Variants in FRMPD1 observed in about 807,000 individuals in gnomAD.
FRMPD1 encodes FERM and PDZ domain-containing protein 1.
FRMPD1 carries 76 observed loss-of-function variants against 117.8 expected under a neutral mutation model. That is an observed-to-expected ratio of 0.65 (90% CI 0.54 to 0.78). FRMPD1 has a LOEUF of 0.78. Among genes scored for constraint, FRMPD1 ranks in the 30% least tolerant of loss-of-function variants. The probability of loss-of-function intolerance (pLI) is 0.00; values close to 1 mark genes in which losing one functional copy is unlikely to be tolerated. For synonymous variants in FRMPD1, 783 were observed against 770.4 expected, an observed-to-expected ratio of 1.02 and a Z score of -0.27; for missense variants, 1,786 against 1,964.5, an observed-to-expected ratio of 0.91 and a Z score of 1.72.
the FRMPD1 span, chr9:37,637,099 C>T: frequency 2.0e-5 from 32 of 1,584,284 alleles, no homozygotes; most frequent in South Asian, 1.1e-4. Flanking sequence ...GTTCCTGGCC[C>T]GCCGTGTCCC....
At chr9:37,722,624 C>A (rs1326955435) in intron 6 of FRMPD1, among the ~76,000 whole-genome samples, 1 of 152,058 alleles carries the variant, frequency 6.6e-6, no homozygotes, top group Admixed American at 6.6e-5. Flanking sequence ...AGGCTTTATA[C>A]CCAAACTCTT....
chr9:37,614,554 C>G, the FRMPD1 span, among the ~76,000 whole-genome samples: 1 of 152,190 alleles, frequency 6.6e-6, no homozygotes, highest in African/African-American at 2.4e-5. Flanking sequence ...CCCAAAAAAC[C>G]TTCACAGTGG....
chr9:37,740,804 C>A lies in FRMPD1; in HGVS notation c.2276C>A (p.Pro759Gln), dbSNP rs546200227. Residue 759 changes from proline (P) to glutamine (Q), a missense_variant, in exon 15 of 16, where the codon CCA becomes CAA. By Grantham distance (76) the Pro-to-Gln change is moderately conservative (BLOSUM62 -1). Coordinates refer to ENST00000377765, the MANE Select transcript of FRMPD1 (RefSeq NM_014907.3). This position sits in a 1 kb window ranked among gnomAD's most constrained non-coding sequence, Gnocchi z 4.2. ...SMLEPLALHP[P>Q]LAFEDGSSDE... ...CTGGAACCCCTGGCCCTGCACCCACCACTGGCCTTTGAGGATGGCAGCTCA... is the reference window on the plus strand; with the variant it reads ...CTGGAACCCCTGGCCCTGCACCCACAACTGGCCTTTGAGGATGGCAGCTCA... The A allele has an allele frequency of 5.6e-6, 9 of 1,614,034 alleles. No individual in the cohort carries two copies. The highest frequency in any genetic ancestry group is 1.3e-5 in the African/African-American group (1 of 74,940).
At chr9:37,661,132 C>T (rs1191941793) in intron 1 of FRMPD1, among the ~76,000 whole-genome samples, 1 of 152,096 alleles carries the variant, frequency 6.6e-6, no homozygotes, top group African/African-American at 2.4e-5. Flanking sequence ...AATGTCCAGC[C>T]CCTGGAACTG....
intron 1 of FRMPD1, chr9:37,661,940 A>T (rs938693941): frequency 6.5e-6 from 1 of 154,620 alleles, no homozygotes; most frequent in Non-Finnish European, 1.5e-5. Flanking sequence ...AGGGATGCAC[A>T]TGGAGTGGTG....
chr9:37,734,528 A>G (rs575878282), intron 12 of FRMPD1, among the ~76,000 whole-genome samples: 82 of 152,144 alleles, frequency 5.4e-4, no homozygotes, highest in African/African-American at 1.9e-3. Context: ...GGTTTCAGAG[A>G]GCTTTCCTCC....
intron 10 of FRMPD1, 24 bp downstream of exon 10, chr9:37,732,464 G>A: frequency 6.3e-7 from 1 of 1,577,848 alleles, no homozygotes; most frequent in South Asian, 1.1e-5. Flanking sequence ...GATGGCAGCT[G>A]CATTGCATTT....
At chr9:37,722,441 C>T (rs1823438924) in intron 6 of FRMPD1, among the ~76,000 whole-genome samples, 1 of 152,104 alleles carries the variant, frequency 6.6e-6, no homozygotes, top group Admixed American at 6.5e-5. Context: ...GAGTTTTGCT[C>T]CTGTCGCCCT....
intron 1 of FRMPD1, among the ~76,000 whole-genome samples, chr9:37,666,586 T>C (rs1821166904): frequency 6.6e-6 from 1 of 152,156 alleles, no homozygotes; most frequent in African/African-American, 2.4e-5. Flanking sequence ...CACGCTCTGC[T>C]CACCTCCTGC....
intron 1 of FRMPD1, among the ~76,000 whole-genome samples, chr9:37,667,149 T>A (rs1341500179): frequency 6.7e-6 from 1 of 149,702 alleles, no homozygotes; most frequent in Non-Finnish European, 1.5e-5. Context: ...CTGCAACTGC[T>A]GCTCCCCCAG....
chr9:37,627,876 G>C, the FRMPD1 span, among the ~76,000 whole-genome samples: 1 of 152,188 alleles, frequency 6.6e-6, no homozygotes, highest in African/African-American at 2.4e-5. Context: ...GGGAAAATGA[G>C]AGGTCCTTAA....
At chr9:37,662,895 G>A (rs1415417663) in intron 1 of FRMPD1, among the ~76,000 whole-genome samples, 1 of 152,182 alleles carries the variant, frequency 6.6e-6, no homozygotes, top group African/African-American at 2.4e-5. Flanking sequence ...CTGGGAAGAT[G>A]CAGAATTACA....
intron 1 of FRMPD1, among the ~76,000 whole-genome samples, chr9:37,681,822 C>T (rs1821740843): frequency 6.6e-6 from 1 of 152,180 alleles, no homozygotes; most frequent in African/African-American, 2.4e-5. Flanking sequence ...GTACTTTTCT[C>T]CCCTACCCTC....
chr9:37,731,929 A>G (rs1823901874), intron 9 of FRMPD1, among the ~76,000 whole-genome samples: 1 of 152,146 alleles, frequency 6.6e-6, no homozygotes, highest in African/African-American at 2.4e-5. Context: ...CATTTTACAG[A>G]TGAGATAACT....
At chr9:37,739,962 C>T in intron 14 of FRMPD1, 116 bp from the exon 15 acceptor site, 1 of 768,770 alleles carries the variant, frequency 1.3e-6, no homozygotes, top group Non-Finnish European at 2.2e-6. Flanking sequence ...TTAGGCCAGC[C>T]ACCCTCTGGC....
At chr9:37,696,051 C>CTTTTTTTT (rs61521469) in intron 2 of FRMPD1, among the ~76,000 whole-genome samples, 16 of 78,106 alleles carry the variant, frequency 2.0e-4, no homozygotes, top group Admixed American at 3.2e-4. Context: ...CATTGTTTTG[C>CTTTTTTTT]TTTTTTTTTT....
At chr9:37,649,115 G>C (rs141520606), upstream of FRMPD1, among the ~76,000 whole-genome samples, 296 of 152,250 alleles carry the variant, frequency 1.9e-3, 2 homozygotes, top group African/African-American at 6.9e-3. Flanking sequence ...ATTCCATGGG[G>C]AACATTTGTA....
intron 1 of FRMPD1, among the ~76,000 whole-genome samples, chr9:37,676,085 G>A (rs1207565013): frequency 2.0e-5 from 3 of 152,168 alleles, no homozygotes; most frequent in Admixed American, 1.3e-4. Flanking sequence ...TTGTGTTCTC[G>A]CCTGTCTGCG....
rs931656150 is a variant in FRMPD1 at position 37,737,178 on chromosome 9, C to T, written c.1484C>T (p.Pro495Leu). ...GGGTACTACAGGCTGTTGGTTGACC[C>T]AGTTACCTCCATTTTCCTCTGGCCT... ...IAGYYRLLVDPVTSIFLWPGN... is the reference protein window; with the variant it reads ...IAGYYRLLVDLVTSIFLWPGN... Residue 495 changes from proline (P) to leucine (L), a missense_variant, in exon 14 of 16, where the codon CCA (proline) becomes CTA (leucine). Physicochemically the swap from Pro to Leu is moderately conservative, Grantham distance 98. Coordinates refer to ENST00000377765, the MANE Select transcript of FRMPD1 (RefSeq NM_014907.3). 6.2e-7 allele frequency: 1 copy of T among 1,614,048 alleles called. No homozygotes were observed. The highest frequency in any genetic ancestry group is 1.6e-4 in the Middle Eastern group (1 of 6,062).
Sources: allele counts gnomAD v4.1 joint callset (sites outside exome capture counted in the v4.1 genomes callset), GRCh38; gene constraint gnomAD v4.1.1; non-coding constraint Gnocchi (gnomAD v3.1); transcripts MANE v1.5; gene names NCBI Gene and HGNC (gene_info 2026-07-23, HGNC 2026-07-21).